Variants in TASP1 observed in about 807,000 individuals in gnomAD.
TASP1 encodes the protein threonine aspartase 1.
TASP1 carries 16 observed loss-of-function variants against 56.6 expected under a neutral mutation model. That is an observed-to-expected ratio of 0.28 (90% CI 0.19 to 0.43). The LOEUF (loss-of-function observed/expected upper bound fraction) is 0.43, where lower values mean the gene tolerates loss of function less well. Among genes scored for constraint, TASP1 ranks in the 20% least tolerant of loss-of-function variants. TASP1 has a pLI of 1.00. For missense variants in TASP1, 393 were observed against 511.6 expected (o/e 0.77, Z 2.24); for synonymous variants, 179 against 184.2 (o/e 0.97, Z 0.23).
intron 8 of TASP1, among the ~76,000 whole-genome samples, chr20:13,550,474 T>C (rs1249936359): frequency 2.0e-5 from 3 of 151,998 alleles, no homozygotes; most frequent in Non-Finnish European, 4.4e-5. Context: ...GTATATTACC[T>C]ACAACTAAAA....
the TASP1 span, among the ~76,000 whole-genome samples, chr20:13,377,193 G>A: frequency 0.011 from 1,618 of 152,302 alleles, 31 homozygotes; most frequent in African/African-American, 0.036. Context: ...CATCCAATAT[G>A]ATATTGGCTG....
chr20:13,203,270 C>T, the TASP1 span, among the ~76,000 whole-genome samples: 1 of 152,100 alleles, frequency 6.6e-6, no homozygotes, highest in Non-Finnish European at 1.5e-5. Flanking sequence ...TTATTATTCC[C>T]ATGTTATGAG....
chr20:13,623,285 A>G (rs913237064), intron 4 of TASP1, among the ~76,000 whole-genome samples, 161 bp downstream of exon 4: 2 of 152,210 alleles, frequency 1.3e-5, no homozygotes, highest in African/African-American at 4.8e-5. Context: ...AAAGTCACCA[A>G]TGAAAACAAC....
At chr20:13,229,034 A>G in the TASP1 span, among the ~76,000 whole-genome samples, 1 of 151,742 alleles carries the variant, frequency 6.6e-6, no homozygotes, top group Non-Finnish European at 1.5e-5. Context: ...CTTTTCTCCT[A>G]AATTCTATAG....
the TASP1 span, among the ~76,000 whole-genome samples, chr20:13,307,539 A>G: frequency 6.6e-6 from 1 of 152,216 alleles, no homozygotes; most frequent in African/African-American, 2.4e-5. Context: ...AAATTTTACC[A>G]CAACACAAAA....
intron 6 of TASP1, among the ~76,000 whole-genome samples, chr20:13,578,338 C>G (rs1293275079): frequency 6.6e-6 from 1 of 151,110 alleles, no homozygotes; most frequent in African/African-American, 2.4e-5. Context: ...TTTGGGTTGT[C>G]TTTTTCTTAT....
chr20:13,356,610 G>GA, the TASP1 span, among the ~76,000 whole-genome samples: 1 of 152,052 alleles, frequency 6.6e-6, no homozygotes, highest in Admixed American at 6.6e-5. Context: ...TTGCTCCATG[G>GA]AGCAGACCTT....
intron 11 of TASP1, among the ~76,000 whole-genome samples, chr20:13,474,085 TA>T (rs934668809): frequency 1.1e-4 from 16 of 152,144 alleles, no homozygotes; most frequent in Middle Eastern, 3.2e-3. Context: ...TGAAAAGAAA[TA>T]AAAATAAAAA....
At chr20:13,358,262 A>C in the TASP1 span, among the ~76,000 whole-genome samples, 1 of 152,154 alleles carries the variant, frequency 6.6e-6, no homozygotes, top group East Asian at 1.9e-4. Flanking sequence ...GCCTGCACCC[A>C]GGTGAAATAA....
the TASP1 span, among the ~76,000 whole-genome samples, chr20:13,371,706 T>A: frequency 6.6e-6 from 1 of 152,316 alleles, no homozygotes; most frequent in Non-Finnish European, 1.5e-5. Flanking sequence ...TCCTTGTTGA[T>A]CTTATGCCTC....
At chr20:13,212,618 A>T in the TASP1 span, among the ~76,000 whole-genome samples, 2 of 152,182 alleles carry the variant, frequency 1.3e-5, no homozygotes, top group African/African-American at 4.8e-5. Flanking sequence ...GACAAATAAA[A>T]CCTTTATTCC....
chr20:13,430,198 C>T (rs543496044), intron 12 of TASP1, among the ~76,000 whole-genome samples: 1 of 152,192 alleles, frequency 6.6e-6, no homozygotes, highest in Admixed American at 6.5e-5. Flanking sequence ...TTTGTCATTA[C>T]AGCTCATTAG....
At chr20:13,270,921 G>A in the TASP1 span, among the ~76,000 whole-genome samples, 5 of 152,134 alleles carry the variant, frequency 3.3e-5, no homozygotes, top group African/African-American at 1.2e-4. Context: ...TGACACCCTT[G>A]ATTGTGAGAT....
chr20:13,220,428 T>C, the TASP1 span, among the ~76,000 whole-genome samples: 1 of 152,208 alleles, frequency 6.6e-6, no homozygotes, highest in Non-Finnish European at 1.5e-5. Flanking sequence ...AGCGCGGTCA[T>C]GAGGCGGTGG....
intron 10 of TASP1, among the ~76,000 whole-genome samples, chr20:13,484,491 T>C (rs2043251738): frequency 6.6e-6 from 1 of 151,910 alleles, no homozygotes; most frequent in Non-Finnish European, 1.5e-5. Context: ...TCCCAACACT[T>C]TGGGAGGCCG....
intron 10 of TASP1, among the ~76,000 whole-genome samples, chr20:13,512,496 C>A (rs554401393): frequency 6.8e-3 from 1,033 of 152,122 alleles, no homozygotes; most frequent in Non-Finnish European, 0.011. Context: ...TAGGTTCTGG[C>A]TATTAGCCCT....
chr20:13,229,774 C>T, the TASP1 span, among the ~76,000 whole-genome samples: 1 of 152,234 alleles, frequency 6.6e-6, no homozygotes, highest in South Asian at 2.1e-4. Flanking sequence ...TTCCTTTTCT[C>T]ACCTCTGTAG....
chr20:13,527,270 C>A (rs935931672), intron 10 of TASP1, among the ~76,000 whole-genome samples: 12 of 152,044 alleles, frequency 7.9e-5, no homozygotes, highest in African/African-American at 2.7e-4. Flanking sequence ...AGACAGAAAG[C>A]AGGACAAGAG....
the TASP1 span, among the ~76,000 whole-genome samples, chr20:13,246,006 G>A: frequency 2.0e-5 from 3 of 152,184 alleles, no homozygotes; most frequent in Non-Finnish European, 4.4e-5. Flanking sequence ...TGTGGCTCAC[G>A]CCTATAATCC....
Sources: gnomAD v4.1 joint callset for allele counts (sites outside exome capture counted in the v4.1 genomes callset) on GRCh38, gnomAD v4.1.1 for gene constraint, MANE v1.5 for transcripts, NCBI Gene and HGNC (gene_info 2026-07-23, HGNC 2026-07-21) for gene names.